The following FGF1 variants were observed in gnomAD, a reference collection of about 807,000 sequenced individuals.
FGF1 encodes the protein fibroblast growth factor 1, also known as beta-endothelial cell growth factor.
Under a neutral mutation model 13.4 loss-of-function variants are expected in FGF1, and 9 were observed. The ratio of observed to expected loss-of-function variants is 0.67; its 90% CI spans 0.40 to 1.17. FGF1 has a LOEUF of 1.17. Ranked by LOEUF, FGF1 falls within the 50% of genes most tolerant of loss-of-function variation. The pLI is 0.01. For synonymous variants in FGF1, 93 were observed against 79.0 expected, an observed-to-expected ratio of 1.18 and a Z score of -0.94; for missense variants, 156 against 192.7, an observed-to-expected ratio of 0.81 and a Z score of 1.13.
At chr5:142,608,372 C>T (rs1248949006) in intron 2 of FGF1, among the ~76,000 whole-genome samples, 3 of 151,586 alleles carry the variant, frequency 2.0e-5, no homozygotes, top group Non-Finnish European at 4.4e-5. Flanking sequence ...GAAATTGGTG[C>T]GGTTGTTTTA....
chr5:142,653,050 T>G (rs983437483), intron 1 of FGF1, among the ~76,000 whole-genome samples: 3 of 152,246 alleles, frequency 2.0e-5, no homozygotes, highest in African/African-American at 4.8e-5. Flanking sequence ...GGTGGCTGTT[T>G]TGAGCCCTGT....
chr5:142,635,520 C>G (rs1764104009), intron 1 of FGF1, among the ~76,000 whole-genome samples: 1 of 152,214 alleles, frequency 6.6e-6, no homozygotes, highest in African/African-American at 2.4e-5. Context: ...TGTCCGAAGT[C>G]AAGCTTATGG....
At chr5:142,657,938 T>C (rs1358178473) in intron 1 of FGF1, among the ~76,000 whole-genome samples, 2 of 152,208 alleles carry the variant, frequency 1.3e-5, no homozygotes, top group Non-Finnish European at 2.9e-5. Context: ...ATATGCTCTC[T>C]GGGAGTGCTG....
intron 1 of FGF1, among the ~76,000 whole-genome samples, chr5:142,647,078 G>A (rs1302113095): frequency 6.6e-6 from 1 of 152,206 alleles, no homozygotes; most frequent in Non-Finnish European, 1.5e-5. Context: ...GGTGAAGAGA[G>A]GGAGGGGAAG....
At chr5:142,684,186 CTAAG>C (rs1377716186) in intron 1 of FGF1, among the ~76,000 whole-genome samples, 2 of 152,178 alleles carry the variant, frequency 1.3e-5, no homozygotes, top group African/African-American at 4.8e-5. Context: ...TGCATGTCAC[CTAAG>C]TGAGTGGCTG....
intron 1 of FGF1, among the ~76,000 whole-genome samples, chr5:142,672,909 G>T (rs1048145359): frequency 6.6e-6 from 1 of 152,138 alleles, no homozygotes; most frequent in East Asian, 1.9e-4. Flanking sequence ...TGCTCCTACC[G>T]TGAGACTTCA....
chr5:142,628,253 G>A (rs548131133), intron 1 of FGF1, among the ~76,000 whole-genome samples: 11 of 152,324 alleles, frequency 7.2e-5, no homozygotes, highest in African/African-American at 2.6e-4. Context: ...GCTCACACCT[G>A]TAATCCCAGC....
intron 1 of FGF1, among the ~76,000 whole-genome samples, chr5:142,630,165 T>C (rs1288624617): frequency 6.6e-6 from 1 of 152,134 alleles, no homozygotes; most frequent in East Asian, 1.9e-4. Context: ...GTGCTGGGAT[T>C]ACAGGCGTGA....
intron 1 of FGF1, among the ~76,000 whole-genome samples, chr5:142,675,167 C>T (rs1772300158): frequency 6.6e-6 from 1 of 152,166 alleles, no homozygotes; most frequent in South Asian, 2.1e-4. Context: ...GTATTAAACC[C>T]TCAGACCTCA....
At chr5:142,682,509 CT>C (rs1448299256) in intron 1 of FGF1, among the ~76,000 whole-genome samples, 3 of 152,174 alleles carry the variant, frequency 2.0e-5, no homozygotes, top group Non-Finnish European at 4.4e-5. Context: ...CATAACAAGG[CT>C]GGTACTTTAT....
At chr5:142,675,873 T>C (rs1309715789) in intron 1 of FGF1, among the ~76,000 whole-genome samples, 1 of 152,180 alleles carries the variant, frequency 6.6e-6, no homozygotes, top group African/African-American at 2.4e-5. Context: ...CGTACATATA[T>C]TGAGGAACTG....
At chr5:142,599,932 T>C (rs1295893983) in intron 3 of FGF1, among the ~76,000 whole-genome samples, 2 of 152,254 alleles carry the variant, frequency 1.3e-5, no homozygotes, top group Non-Finnish European at 2.9e-5. Flanking sequence ...GTTATTAAGC[T>C]TTCTATCCTT....
Position 142,613,979 on chromosome 5 carries a change from C to T in FGF1, c.149G>A (p.Arg50Lys). 1 of 1,614,070 alleles carries T rather than the reference C, an allele frequency of 6.2e-7. No homozygotes were observed. Among genetic ancestry groups the T allele is most frequent in the Non-Finnish European group, 8.5e-7 (1 of 1,180,006 alleles). ...ILPDGTVDGTRDRSDQHIQLQ... is the reference protein window; with the variant it reads ...ILPDGTVDGTKDRSDQHIQLQ... The stretch of plus-strand genomic sequence containing the variant: ...CTTACTGTGCTGGTCGCTCCTGTCC[C>T]TTGTCCCATCCACTGTGCCATCCGG... The change falls in exon 2 of 4, where the codon AGG becomes AAG. Residue 50 changes from arginine (R) to lysine (K), a missense_variant. Physicochemically the swap from Arg to Lys is conservative, Grantham distance 26 (BLOSUM62 2). Transcript: ENST00000337706.
chr5:142,617,448 T>C (rs1170122355), intron 1 of FGF1, among the ~76,000 whole-genome samples: 1 of 152,038 alleles, frequency 6.6e-6, no homozygotes, highest in Admixed American at 6.6e-5. Flanking sequence ...ACTGTGGAGT[T>C]TTCACTGGCT....
intron 1 of FGF1, among the ~76,000 whole-genome samples, chr5:142,639,741 C>T (rs565240696): frequency 6.3e-4 from 96 of 152,026 alleles, no homozygotes; most frequent in Non-Finnish European, 1.2e-3. Context: ...ACACACAAAA[C>T]GATAATGTTG....
intron 1 of FGF1, among the ~76,000 whole-genome samples, chr5:142,640,430 G>A (rs542775745): frequency 6.7e-6 from 1 of 150,250 alleles, no homozygotes; most frequent in Non-Finnish European, 1.5e-5. Flanking sequence ...GTATGGTGGG[G>A]GGGGGGGTCT....
chr5:142,631,824 C>T (rs1177943139), intron 1 of FGF1, among the ~76,000 whole-genome samples: 1 of 141,250 alleles, frequency 7.1e-6, no homozygotes, highest in Non-Finnish European at 1.5e-5. Flanking sequence ...TGCTGTGTTG[C>T]CCAGGCTGGA....
At chr5:142,682,665 T>C (rs1773934059) in intron 1 of FGF1, among the ~76,000 whole-genome samples, 1 of 152,164 alleles carries the variant, frequency 6.6e-6, no homozygotes, top group Non-Finnish European at 1.5e-5. Flanking sequence ...TATAATTTAA[T>C]TATTAAAAAG....
intron 1 of FGF1, among the ~76,000 whole-genome samples, chr5:142,618,744 C>T (rs532768427): frequency 5.9e-5 from 9 of 152,102 alleles, no homozygotes; most frequent in Non-Finnish European, 1.3e-4. Flanking sequence ...AGACTCAGTT[C>T]TCAGCTTATC....
Sources: allele counts gnomAD v4.1 joint callset (sites outside exome capture counted in the v4.1 genomes callset), GRCh38; gene constraint gnomAD v4.1.1; transcripts MANE v1.5; gene names NCBI Gene and HGNC (gene_info 2026-07-23, HGNC 2026-07-21).